CNTNAP2: variants seen among roughly 807,000 people sequenced by gnomAD.
CNTNAP2 encodes contactin associated protein 2.
A neutral mutation model predicts 155.2 loss-of-function variants in CNTNAP2; 98 were observed. The observed-to-expected ratio is 0.63, with a 90% CI of 0.54 to 0.75. The LOEUF (loss-of-function observed/expected upper bound fraction) is 0.75, where lower values mean the gene tolerates loss of function less well. Among genes scored for constraint, CNTNAP2 ranks in the 30% least tolerant of loss-of-function variants. The pLI, the probability that CNTNAP2 is intolerant of heterozygous loss-of-function variation, is 0.00. For synonymous variants in CNTNAP2, 651 were observed against 631.2 expected (o/e 1.03, Z -0.47); for missense variants, 1,727 against 1,688.1 (o/e 1.02, Z -0.40).
At chr7:147,657,173 T>C (rs1297671429) in intron 13 of CNTNAP2, among the ~76,000 whole-genome samples, 1 of 152,208 alleles carries the variant, frequency 6.6e-6, no homozygotes, top group Non-Finnish European at 1.5e-5. Context: ...AGATTACTTA[T>C]ATGCTATAGG....
At chr7:146,933,601 A>G (rs530715784) in intron 3 of CNTNAP2, among the ~76,000 whole-genome samples, 3 of 148,352 alleles carry the variant, frequency 2.0e-5, no homozygotes, top group South Asian at 2.2e-4. Flanking sequence ...ATCTAATTAA[A>G]CTAAAGAGCT....
At chr7:148,141,042 C>T (rs1805062134) in intron 16 of CNTNAP2, among the ~76,000 whole-genome samples, 1 of 152,228 alleles carries the variant, frequency 6.6e-6, no homozygotes, top group Non-Finnish European at 1.5e-5. Context: ...GCGTCAGAAT[C>T]ACCTGGCATT....
intron 21 of CNTNAP2, among the ~76,000 whole-genome samples, chr7:148,348,688 C>T (rs1316537250): frequency 1.3e-5 from 2 of 152,126 alleles, no homozygotes; most frequent in African/African-American, 2.4e-5. Context: ...GCAAAGAGAC[C>T]AGGCATCTGT....
At chr7:146,461,190 T>G (rs1796630811) in intron 1 of CNTNAP2, among the ~76,000 whole-genome samples, 1 of 151,946 alleles carries the variant, frequency 6.6e-6, no homozygotes, top group South Asian at 2.1e-4. Context: ...GATCATGAGG[T>G]CAGGAGATGG....
chr7:146,912,446 A>G (rs1250698033), intron 3 of CNTNAP2, among the ~76,000 whole-genome samples: 1 of 152,132 alleles, frequency 6.6e-6, no homozygotes, highest in Non-Finnish European at 1.5e-5. Flanking sequence ...GATAAATACA[A>G]TTTTGTGGGA....
chr7:146,394,041 G>C (rs1206348029), intron 1 of CNTNAP2, among the ~76,000 whole-genome samples: 1 of 152,098 alleles, frequency 6.6e-6, no homozygotes, highest in South Asian at 2.1e-4. Flanking sequence ...GCTTGTTGTC[G>C]CTTTATCCAA....
intron 9 of CNTNAP2, among the ~76,000 whole-genome samples, chr7:147,309,011 T>C (rs959834376): frequency 1.3e-5 from 2 of 152,194 alleles, no homozygotes; most frequent in Admixed American, 6.5e-5. Context: ...TTTAAAAATA[T>C]TGATTCACAA....
chr7:147,508,660 G>C (rs936644591), intron 11 of CNTNAP2, among the ~76,000 whole-genome samples: 1 of 152,190 alleles, frequency 6.6e-6, no homozygotes, highest in Admixed American at 6.5e-5. Context: ...TGTCATGGGA[G>C]GGACCTGATG....
intron 10 of CNTNAP2, among the ~76,000 whole-genome samples, chr7:147,402,864 C>A (rs1444882052): frequency 1.3e-5 from 2 of 151,180 alleles, no homozygotes; most frequent in African/African-American, 4.9e-5. Context: ...ATTCCTAAGT[C>A]TCTGCTGTAT....
intron 3 of CNTNAP2, among the ~76,000 whole-genome samples, chr7:146,908,161 G>A (rs1796183776): frequency 6.6e-6 from 1 of 152,108 alleles, no homozygotes; most frequent in Non-Finnish European, 1.5e-5. Context: ...CAAGTCCTGA[G>A]TGACCTACAA....
intron 11 of CNTNAP2, among the ~76,000 whole-genome samples, chr7:147,534,708 T>G (rs1799509110): frequency 6.6e-6 from 1 of 152,136 alleles, no homozygotes; most frequent in Admixed American, 6.5e-5. Flanking sequence ...AATCAAAATT[T>G]CAATGGGCAA....
At chr7:146,279,206 A>G (rs2129084543) in intron 1 of CNTNAP2, among the ~76,000 whole-genome samples, 1 of 152,198 alleles carries the variant, frequency 6.6e-6, no homozygotes, top group African/African-American at 2.4e-5. Context: ...TAAATAATGA[A>G]TGTTGTTGTC....
intron 8 of CNTNAP2, among the ~76,000 whole-genome samples, chr7:147,279,361 G>A (rs1053623832): frequency 5.9e-5 from 9 of 151,710 alleles, no homozygotes; most frequent in Non-Finnish European, 1.0e-4. Flanking sequence ...TGAGAAAGAC[G>A]TTTGAATTCA....
chr7:146,931,269 A>G (rs1317873958), intron 3 of CNTNAP2, among the ~76,000 whole-genome samples: 2 of 152,214 alleles, frequency 1.3e-5, no homozygotes, highest in Non-Finnish European at 2.9e-5. Context: ...ACCAGAAATC[A>G]GGATTAAGAA....
At chr7:147,023,634 A>G (rs1259258324) in intron 3 of CNTNAP2, among the ~76,000 whole-genome samples, 1 of 152,154 alleles carries the variant, frequency 6.6e-6, no homozygotes, top group Non-Finnish European at 1.5e-5. Context: ...ATCATGAACC[A>G]GAGAATTTAT....
intron 13 of CNTNAP2, among the ~76,000 whole-genome samples, chr7:147,884,368 T>C (rs2538984): frequency 0.57 from 86,574 of 151,912 alleles, 25,263 homozygotes; most frequent in African/African-American, 0.69. Context: ...GAGATTTGCT[T>C]CCTAATAGGC....
intron 1 of CNTNAP2, among the ~76,000 whole-genome samples, chr7:146,738,088 C>T (rs903265665): frequency 1.3e-5 from 2 of 151,976 alleles, no homozygotes; most frequent in African/African-American, 4.8e-5. Flanking sequence ...TGTTGAGGAG[C>T]CTCCATCCTG....
intron 1 of CNTNAP2, among the ~76,000 whole-genome samples, chr7:146,721,041 T>TATATATATATA: frequency 1.2e-5 from 1 of 84,758 alleles, no homozygotes; most frequent in Admixed American, 1.1e-4. Flanking sequence ...CTCTATATAT[T>TATATATATATA]CTATATATAT....
intron 4 of CNTNAP2, among the ~76,000 whole-genome samples, chr7:147,073,678 A>G (rs1006381249): frequency 6.6e-6 from 1 of 152,184 alleles, no homozygotes; most frequent in African/African-American, 2.4e-5. Context: ...GGGGAAATCT[A>G]GAAGGGAGAT....
Sources: allele counts gnomAD v4.1 joint callset (sites outside exome capture counted in the v4.1 genomes callset), GRCh38; gene constraint gnomAD v4.1.1; transcripts MANE v1.5; gene names NCBI Gene and HGNC (gene_info 2026-07-23, HGNC 2026-07-21).